GRM7: variants seen among roughly 807,000 people sequenced by gnomAD.
GRM7 encodes glutamate metabotropic receptor 7.
GRM7 carries 35 observed loss-of-function variants against 84.5 expected under a neutral mutation model. The observed-to-expected ratio is 0.41, with a 90% confidence interval of 0.32 to 0.55. GRM7 has a LOEUF of 0.55. Among genes scored for constraint, GRM7 ranks in the 20% least tolerant of loss-of-function variants. The pLI, the probability that GRM7 is intolerant of heterozygous loss-of-function variation, is 0.19. For synonymous variants in GRM7, 487 were observed against 455.1 expected, an observed-to-expected ratio of 1.07 and a Z score of -0.89; for missense variants, 1,003 against 1,194.6, an observed-to-expected ratio of 0.84 and a Z score of 2.36.
intron 2 of GRM7, among the ~76,000 whole-genome samples, chr3:7,245,881 AT>A (rs1269442667): frequency 2.6e-5 from 4 of 152,158 alleles, no homozygotes; most frequent in African/African-American, 4.8e-5. Context: ...CATTTGTAGG[AT>A]TTTTTTATAT....
At chr3:7,192,642 C>A (rs774285038) in intron 2 of GRM7, among the ~76,000 whole-genome samples, 1 of 152,034 alleles carries the variant, frequency 6.6e-6, no homozygotes, top group Non-Finnish European at 1.5e-5. Context: ...CCGATTTGTC[C>A]CTCTATCTTG....
At chr3:7,184,511 G>A (rs1416156431) in intron 2 of GRM7, among the ~76,000 whole-genome samples, 2 of 151,944 alleles carry the variant, frequency 1.3e-5, no homozygotes, top group African/African-American at 4.8e-5. Context: ...TAACATTGTG[G>A]TATATAGCTC....
intron 4 of GRM7, among the ~76,000 whole-genome samples, chr3:7,320,574 A>G (rs1386651232): frequency 6.6e-6 from 1 of 151,944 alleles, no homozygotes; most frequent in Non-Finnish European, 1.5e-5. Flanking sequence ...TCAGAGAAGA[A>G]GAACAGGAAA....
At chr3:7,083,849 A>G (rs2125000503) in intron 1 of GRM7, among the ~76,000 whole-genome samples, 1 of 152,232 alleles carries the variant, frequency 6.6e-6, no homozygotes, top group South Asian at 2.1e-4. Flanking sequence ...TGCTGAGGTA[A>G]TGCATCCTTC....
chr3:7,570,380 G>T (rs376358693), intron 7 of GRM7, among the ~76,000 whole-genome samples: 1 of 152,208 alleles, frequency 6.6e-6, no homozygotes, highest in African/African-American at 2.4e-5. Context: ...TAGTTACTTC[G>T]TAGATACAAT....
At chr3:7,648,670 A>T (rs1698777467) in intron 8 of GRM7, among the ~76,000 whole-genome samples, 1 of 149,786 alleles carries the variant, frequency 6.7e-6, no homozygotes, top group South Asian at 2.1e-4. Flanking sequence ...AAAAAAAAGG[A>T]TCAAGAAGAG....
intron 1 of GRM7, among the ~76,000 whole-genome samples, chr3:7,110,607 ACACACG>A (rs1180953402): frequency 6.9e-6 from 1 of 145,352 alleles, no homozygotes; most frequent in African/African-American, 2.5e-5. Flanking sequence ...ACACACACAC[ACACACG>A]CACACAATTA....
chr3:7,520,052 G>C (rs912400355), intron 7 of GRM7: 8 of 152,156 alleles, frequency 5.3e-5, no homozygotes, highest in Non-Finnish European at 1.0e-4. Context: ...TGGAAGATAC[G>C]GTCCAAGGAT....
chr3:7,115,034 G>C (rs959034336), intron 1 of GRM7, among the ~76,000 whole-genome samples: 5 of 152,138 alleles, frequency 3.3e-5, no homozygotes, highest in African/African-American at 9.7e-5. Context: ...ACTGAATGAA[G>C]ATGATTTTCA....
chr3:7,431,165 C>T (rs1292647132), intron 5 of GRM7, among the ~76,000 whole-genome samples: 1 of 151,964 alleles, frequency 6.6e-6, no homozygotes, highest in Non-Finnish European at 1.5e-5. Context: ...CCCAGATGTG[C>T]ATCAAAAAGA....
chr3:7,431,514 T>C (rs1696829356), intron 5 of GRM7, among the ~76,000 whole-genome samples: 1 of 152,200 alleles, frequency 6.6e-6, no homozygotes, highest in Non-Finnish European at 1.5e-5. Context: ...CAGAATGTAC[T>C]TCTATTAAAA....
intron 1 of GRM7, among the ~76,000 whole-genome samples, chr3:7,034,932 A>G (rs1290783761): frequency 6.6e-6 from 1 of 152,202 alleles, no homozygotes; most frequent in African/African-American, 2.4e-5. Flanking sequence ...GAGGAAGGAG[A>G]AGGATCCCGA....
At chr3:7,140,304 A>C (rs1451232270) in intron 1 of GRM7, among the ~76,000 whole-genome samples, 3 of 152,026 alleles carry the variant, frequency 2.0e-5, no homozygotes, top group Non-Finnish European at 4.4e-5. Flanking sequence ...GAGTATTCCA[A>C]GTAAGGGGAG....
chr3:7,507,075 A>C (rs190274069), intron 7 of GRM7, among the ~76,000 whole-genome samples: 186 of 152,362 alleles, frequency 1.2e-3, no homozygotes, highest in African/African-American at 4.1e-3. Flanking sequence ...AATGCCTGAC[A>C]GATTGTGGGC....
chr3:7,631,207 C>A (rs1000605627), intron 8 of GRM7, among the ~76,000 whole-genome samples: 1 of 152,176 alleles, frequency 6.6e-6, no homozygotes, highest in Non-Finnish European at 1.5e-5. Flanking sequence ...GCTCTTTGTA[C>A]TTTCTCTTTA....
chr3:7,355,181 A>G (rs985527964), intron 4 of GRM7, among the ~76,000 whole-genome samples: 1 of 152,150 alleles, frequency 6.6e-6, no homozygotes, highest in Admixed American at 6.6e-5. Context: ...TATTTCCTAT[A>G]AAGTGAAGAA....
intron 1 of GRM7, among the ~76,000 whole-genome samples, chr3:7,116,549 C>T (rs1693040944): frequency 6.6e-6 from 1 of 152,072 alleles, no homozygotes; most frequent in Non-Finnish European, 1.5e-5. Context: ...AAAAAGTGTA[C>T]TGTTATTATA....
intron 7 of GRM7, among the ~76,000 whole-genome samples, chr3:7,475,817 A>G (rs765836646): frequency 1.3e-5 from 2 of 152,178 alleles, no homozygotes; most frequent in Non-Finnish European, 2.9e-5. Context: ...AGTATTCAAG[A>G]TTTAGGTACC....
intron 7 of GRM7, among the ~76,000 whole-genome samples, chr3:7,560,801 T>A (rs1575494213): frequency 6.6e-6 from 1 of 152,172 alleles, no homozygotes; most frequent in East Asian, 1.9e-4. Flanking sequence ...TGCCTTCATG[T>A]AATTCTATCA....
Sources: allele counts gnomAD v4.1 joint callset (sites outside exome capture counted in the v4.1 genomes callset), GRCh38; gene constraint gnomAD v4.1.1; transcripts MANE v1.5; gene names NCBI Gene and HGNC (gene_info 2026-07-23, HGNC 2026-07-21).